The following DNAJB14 variants were observed in gnomAD, a reference collection of about 807,000 sequenced individuals.
DNAJB14 encodes the protein DnaJ heat shock protein family (Hsp40) member B14, also known as dnaJ homolog subfamily B member 14.
Under a neutral mutation model 48.4 loss-of-function variants are expected in DNAJB14, and 22 were observed. The observed-to-expected ratio is 0.45, with a 90% confidence interval of 0.32 to 0.65. The LOEUF (loss-of-function observed/expected upper bound fraction) is 0.65. DNAJB14 is among the 30% of genes least tolerant of loss of function. DNAJB14 has a pLI of 0.03. For synonymous variants in DNAJB14, 142 were observed against 158.7 expected, an observed-to-expected ratio of 0.89 and a Z score of 0.79; for missense variants, 319 against 458.8, an observed-to-expected ratio of 0.70 and a Z score of 2.78.
In DNAJB14 at chr4:99,899,249, T is replaced by G. The variant is rs1271388849; in HGVS notation, c.*1779A>C. ...CATTAAAATTAGAAAAATAAATAGA[T>G]GAAATTTTTTTCATTCAAATTTTCA... is the stretch of plus-strand genomic sequence containing the variant. On this transcript the variant is annotated 3_prime_UTR_variant, in exon 8 of 8. Transcript: ENST00000442697. The G allele has an allele frequency of 1.3e-5, 2 of 151,926 alleles. No homozygotes were observed. Among genetic ancestry groups the G allele is most frequent in the Non-Finnish European group, 2.9e-5 (2 of 67,806 alleles). The allele number at this position is 151,926 out of a possible 1,614,324, so 9.4% of individuals were successfully genotyped here.
At chr4:99,901,922 T>C (rs1725307435) in intron 7 of DNAJB14, among the ~76,000 whole-genome samples, 1 of 152,168 alleles carries the variant, frequency 6.6e-6, no homozygotes, top group East Asian at 1.9e-4. Context: ...CTGGTTTATA[T>C]GGATTAGTCA....
intron 1 of DNAJB14, among the ~76,000 whole-genome samples, chr4:99,943,073 A>G (rs935944774): frequency 6.6e-5 from 10 of 152,184 alleles, no homozygotes; most frequent in African/African-American, 2.2e-4. Context: ...AACATCTTCT[A>G]GAATGTTCTA....
At chr4:99,929,502 A>G (rs1726383227) in intron 2 of DNAJB14, 1 of 152,222 alleles carries the variant, frequency 6.6e-6, no homozygotes, top group Non-Finnish European at 1.5e-5. Context: ...TGGGTATTTG[A>G]TTTTAAAATT....
intron 3 of DNAJB14, among the ~76,000 whole-genome samples, chr4:99,920,341 C>T (rs993466924): frequency 3.9e-5 from 6 of 152,162 alleles, no homozygotes; most frequent in African/African-American, 7.2e-5. Flanking sequence ...TAGAGATATA[C>T]TCTAGATGTT....
At position 99,900,981 on chromosome 4, in the gene DNAJB14, C is replaced by T. The variant is rs1560728356; in HGVS notation, c.*47G>A. 6.4e-7 allele frequency: 1 copy of T among 1,565,598 alleles called. No individual in the cohort carries two copies. The highest frequency in any genetic ancestry group is 8.6e-7 in the Non-Finnish European group (1 of 1,160,366). ...CTCATGATGAAACCAAACTTACTTACAGAAAAAATAAAGAGTACGCTAAAA... is the reference window on the plus strand; with the variant it reads ...CTCATGATGAAACCAAACTTACTTATAGAAAAAATAAAGAGTACGCTAAAA... On this transcript the variant is annotated 3_prime_UTR_variant, in exon 8 of 8. Transcript: ENST00000442697.
chr4:99,918,665 G>A (rs753187597), intron 3 of DNAJB14, among the ~76,000 whole-genome samples: 15 of 152,172 alleles, frequency 9.9e-5, no homozygotes, highest in Non-Finnish European at 1.8e-4. Flanking sequence ...GGATAGATAC[G>A]TAAGTTCCCT....
intron 3 of DNAJB14, among the ~76,000 whole-genome samples, chr4:99,915,846 T>C (rs1427031364): frequency 1.3e-5 from 2 of 151,862 alleles, no homozygotes; most frequent in African/African-American, 4.8e-5. Context: ...CCAACTATAA[T>C]TGTGACTTTG....
chr4:99,920,620 A>T (rs1726019854), intron 3 of DNAJB14, among the ~76,000 whole-genome samples: 1 of 152,250 alleles, frequency 6.6e-6, no homozygotes, highest in Non-Finnish European at 1.5e-5. Flanking sequence ...TGTATTTTGC[A>T]AGTCACTTTA....
At chr4:99,914,671 AAAAT>A (rs1725788649) in intron 3 of DNAJB14, among the ~76,000 whole-genome samples, 1 of 151,960 alleles carries the variant, frequency 6.6e-6, no homozygotes. Flanking sequence ...ATAAAAAATA[AAAAT>A]AAAAATTAAA....
intron 3 of DNAJB14, among the ~76,000 whole-genome samples, chr4:99,920,921 T>C (rs980411967): frequency 1.3e-5 from 2 of 152,150 alleles, no homozygotes; most frequent in African/African-American, 2.4e-5. Flanking sequence ...AAAAAGACAA[T>C]AGTATTGTCT....
chr4:99,906,336 C>T (rs963131487), intron 5 of DNAJB14, among the ~76,000 whole-genome samples, 181 bp downstream of exon 5: 5 of 152,102 alleles, frequency 3.3e-5, no homozygotes, highest in African/African-American at 1.2e-4. Flanking sequence ...ATCCAACCAC[C>T]CCTGGCTGAC....
chr4:99,923,176 T>A lies in DNAJB14; in HGVS notation c.315A>T (p.Lys105Asn). 6.2e-7 allele frequency: 1 copy of A among 1,611,502 alleles called. No individual in the cohort carries two copies. The highest frequency in any genetic ancestry group is 8.5e-7 in the Non-Finnish European group (1 of 1,178,758). The change falls in exon 3 of 8, where the codon AAA (lysine) becomes AAT (asparagine). Residue 105 changes from lysine (K) to asparagine (N), a missense_variant. Lys to Asn is a moderately conservative substitution (Grantham distance 94). Transcript: ENST00000442697. The stretch of plus-strand genomic sequence containing the variant: ...CAAGTACTTCATAGTAATTTTTACA[T>A]TTGTTTATGCTGTGAACAAGAGAGT... ...DQVDGVLSIN[K>N]CKNYYEVLGV...
chr4:99,943,527 T>C (rs1375658804), intron 1 of DNAJB14, among the ~76,000 whole-genome samples: 1 of 152,198 alleles, frequency 6.6e-6, no homozygotes, highest in African/African-American at 2.4e-5. Context: ...CCAAAATTAA[T>C]TGAGTGCTTA....
intron 3 of DNAJB14, among the ~76,000 whole-genome samples, chr4:99,913,828 T>A (rs1379207540): frequency 6.6e-6 from 1 of 152,188 alleles, no homozygotes; most frequent in African/African-American, 2.4e-5. Context: ...GGGAATTTCA[T>A]AATTACAACT....
At chr4:99,933,844 G>C (rs1276911608) in intron 1 of DNAJB14, among the ~76,000 whole-genome samples, 1 of 152,078 alleles carries the variant, frequency 6.6e-6, no homozygotes, top group Non-Finnish European at 1.5e-5. Flanking sequence ...AGATCTGTGT[G>C]GGCAGTGGAG....
intron 2 of DNAJB14, chr4:99,927,048 C>A (rs1726283327): frequency 6.6e-6 from 1 of 152,176 alleles, no homozygotes; most frequent in Non-Finnish European, 1.5e-5. Context: ...GTGTTTGTCA[C>A]ACTTTTTACA....
At chr4:99,937,971 G>A (rs886500936) in intron 1 of DNAJB14, among the ~76,000 whole-genome samples, 9 of 148,300 alleles carry the variant, frequency 6.1e-5, no homozygotes, top group African/African-American at 2.2e-4. Context: ...AAACTCACTG[G>A]CCTAGGCCAG....
At chr4:99,913,811 C>T (rs1340239298) in intron 3 of DNAJB14, among the ~76,000 whole-genome samples, 3 of 151,992 alleles carry the variant, frequency 2.0e-5, no homozygotes. Context: ...CTGGATATTT[C>T]TTTTTTGGGA....
At position 99,896,819 on chromosome 4, in the gene DNAJB14, G is replaced by A. The variant is rs1725156824; in HGVS notation, c.*4209C>T. ...CAGACTGAAATGTACAGAGTGTTGT[G>A]CTGAAGTGAATGAGACTTGCCATGC... On this transcript the variant is annotated 3_prime_UTR_variant, in exon 8 of 8. Transcript: ENST00000442697. 1 of 152,084 alleles carries A rather than the reference G, an allele frequency of 6.6e-6. No individual in the cohort carries two copies. Among genetic ancestry groups the A allele is most frequent in the Non-Finnish European group, 1.5e-5 (1 of 67,974 alleles). 9.4% of individuals were successfully genotyped at this position (152,084 alleles called of 1,614,324 possible). A position where few individuals can be genotyped will look rare whatever the true frequency, so the allele number is the denominator to read the frequency against.
Sources: allele counts gnomAD v4.1 joint callset (sites outside exome capture counted in the v4.1 genomes callset), GRCh38; gene constraint gnomAD v4.1.1; transcripts MANE v1.5; gene names NCBI Gene and HGNC (gene_info 2026-07-23, HGNC 2026-07-21).